Variants in ANKRD12 observed in about 807,000 individuals in gnomAD.
ANKRD12 encodes the protein ankyrin repeat domain-containing protein 12.
ANKRD12 carries 85 observed loss-of-function variants against 183.4 expected under a neutral mutation model. That is an observed-to-expected ratio of 0.46 (90% confidence interval 0.39 to 0.56). The LOEUF is 0.56. ANKRD12 is among the 20% of genes least tolerant of loss of function. The pLI, the probability that ANKRD12 is intolerant of heterozygous loss-of-function variation, is 0.00. For synonymous variants in ANKRD12, 914 were observed against 800.2 expected, an observed-to-expected ratio of 1.14 and a Z score of -2.40; for missense variants, 2,405 against 2,357.1, an observed-to-expected ratio of 1.02 and a Z score of -0.42.
Position 9,138,481 on chromosome 18 carries a change from C to G in ANKRD12, c.-52+1516C>G, listed in dbSNP as rs143826305. Among the ~76,000 whole-genome samples, 616 of 152,298 alleles carry G rather than the reference C, an allele frequency of 4.0e-3. 13 individuals are homozygous for G. The highest frequency in any genetic ancestry group is 0.014 in the African/African-American group (585 of 41,564). On this transcript the variant is annotated intron_variant, in intron 1 of 12. Coordinates refer to ENST00000262126, the MANE Select transcript of ANKRD12 (RefSeq NM_015208.5). ...TGAGCCGAGATCGTGCCACTGCACTCCAGCCTGGGCCACAAGAGCGAAACT... is the reference window on the plus strand; with the variant it reads ...TGAGCCGAGATCGTGCCACTGCACTGCAGCCTGGGCCACAAGAGCGAAACT...
chr18:9,208,852 G>T, intron 5 of ANKRD12, 49 bp downstream of exon 5: 3 of 1,432,014 alleles, frequency 2.1e-6, no homozygotes, highest in Non-Finnish European at 2.8e-6. Context: ...TTTTCCTCAG[G>T]CAACTGTAGT....
chr18:9,170,883 G>C (rs937711525), intron 1 of ANKRD12, among the ~76,000 whole-genome samples: 1 of 152,074 alleles, frequency 6.6e-6, no homozygotes, highest in Non-Finnish European at 1.5e-5. Context: ...ATGGGTTTTT[G>C]GTGTGGATGT....
rs868458966 is a variant in ANKRD12, at chr18:9,255,260, C to A, written c.1993C>A (p.His665Asn). 1 of 1,558,750 alleles carries A rather than the reference C, an allele frequency of 6.4e-7. No individual in the cohort carries two copies. Among genetic ancestry groups the A allele is most frequent in the Non-Finnish European group, 8.6e-7 (1 of 1,160,842 alleles). The change falls in exon 9 of 13, where the codon CAT becomes AAT. Residue 665 changes from histidine to asparagine, a missense_variant. By Grantham distance (68) the His-to-Asn change is moderately conservative (BLOSUM62 1). This residue lies in a region of ANKRD12 where 1,983 missense variants were observed against 1,725.9 expected (regional missense o/e 1.15). Coordinates refer to ENST00000262126, the MANE Select transcript of ANKRD12 (RefSeq NM_015208.5). ...GCATAAAGAGAGGGAAAAAGAAAAGCATAAAAAAGAAATTGAAGGTGAAAA... is the reference window on the plus strand; with the variant it reads ...GCATAAAGAGAGGGAAAAAGAAAAGAATAAAAAAGAAATTGAAGGTGAAAA... ...LKHKEREKEKHKKEIEGEKEK... is the reference protein window; with the variant it reads ...LKHKEREKEKNKKEIEGEKEK...
intron 1 of ANKRD12, among the ~76,000 whole-genome samples, chr18:9,164,790 T>C (rs984860353): frequency 6.6e-6 from 1 of 152,226 alleles, no homozygotes; most frequent in Non-Finnish European, 1.5e-5. Context: ...TTGCATTTGC[T>C]CAGGAGTGTT....
chr18:9,211,580 A>G lies in ANKRD12; in HGVS notation c.452-4A>G, dbSNP rs2035808181. Reference sequence around the variant, plus strand: ...ACTTCTGCTAACTTTCTTCTTTCTTACAGATTCCACACCAAATCATCCATC... The same window carrying G: ...ACTTCTGCTAACTTTCTTCTTTCTTGCAGATTCCACACCAAATCATCCATC... On this transcript the variant is annotated splice_region_variant and splice_polypyrimidine_tract_variant and intron_variant, in intron 5 of 12. Transcript: ENST00000262126. 6.2e-6 allele frequency: 10 copies of G among 1,613,018 alleles called. No individual in the cohort carries two copies. Among genetic ancestry groups the G allele is most frequent in the Non-Finnish European group, 6.8e-6 (8 of 1,179,378 alleles).
At chr18:9,259,474 AAC>A (rs1332790204) in intron 9 of ANKRD12, 1 of 151,892 alleles carries the variant, frequency 6.6e-6, no homozygotes, top group Admixed American at 6.6e-5. Flanking sequence ...ACTCTATATA[AAC>A]ACATAAATGT....
intron 8 of ANKRD12, among the ~76,000 whole-genome samples, chr18:9,251,374 C>T (rs1304093762): frequency 1.3e-5 from 2 of 152,224 alleles, no homozygotes; most frequent in East Asian, 1.9e-4. Context: ...AATACATTTT[C>T]ACCATGCTTT....
chr18:9,231,138 A>C lies in ANKRD12; in HGVS notation c.943+9139A>C, dbSNP rs905714184. 7.9e-5 allele frequency among the ~76,000 whole-genome samples: 12 copies of C among 152,148 alleles called. 1 individual carries two copies. The highest frequency in any genetic ancestry group is 3.9e-4 in the Admixed American group (6 of 15,270). On this transcript the variant is annotated intron_variant, in intron 8 of 12. Coordinates refer to ENST00000262126, the MANE Select transcript of ANKRD12 (RefSeq NM_015208.5). ...CATTGTGGAATACACTGTGATTTCA[A>C]GTTTTAAAAATTTGTTGAGACTAGT...
At position 9,139,361 on chromosome 18, in the gene ANKRD12, G is replaced by T. The variant is rs529600890; in HGVS notation, c.-52+2396G>T. ...CCTATAGAAGTTGAAAACCATGACT[G>T]ATACTCTTTTGAAGTAGATTGGAGA... On this transcript the variant is annotated intron_variant, in intron 1 of 12. Coordinates refer to ENST00000262126, the MANE Select transcript of ANKRD12 (RefSeq NM_015208.5). Among the ~76,000 whole-genome samples, 3 of 152,234 alleles carry T rather than the reference G, an allele frequency of 2.0e-5. No individual in the cohort carries two copies. The East Asian group carries it at 5.8e-4, about 29-fold the overall frequency.
At chr18:9,238,886 C>T (rs1267663910) in intron 8 of ANKRD12, among the ~76,000 whole-genome samples, 3 of 152,172 alleles carry the variant, frequency 2.0e-5, no homozygotes, top group Non-Finnish European at 4.4e-5. Context: ...CTTTGGGAGG[C>T]CGAGACGGGT....
At position 9,262,634 on chromosome 18, in the gene ANKRD12, A is replaced by AT. The variant is rs565396252; in HGVS notation, c.5665-1146dup. 1.8e-4 allele frequency among the ~76,000 whole-genome samples: 26 copies of AT among 147,714 alleles called. No homozygotes were observed. In the South Asian group the frequency reaches 2.2e-3, roughly 12 times the overall value. On this transcript the variant is annotated intron_variant, in intron 9 of 12. Coordinates refer to ENST00000262126, the MANE Select transcript of ANKRD12 (RefSeq NM_015208.5). ...ACCACCACATCCAGCTAATTTTTAA[A>AT]TTTTTTTTTTGAGATGGGGGTCTCA...
At position 9,147,721 on chromosome 18, in the gene ANKRD12, A is replaced by G. The variant is rs111997106; in HGVS notation, c.-52+10756A>G. Among the ~76,000 whole-genome samples, 722 of 152,310 alleles carry G rather than the reference A, an allele frequency of 4.7e-3. 9 individuals carry two copies. Among genetic ancestry groups the G allele is most frequent in the African/African-American group, 0.017 (690 of 41,568 alleles). On this transcript the variant is annotated intron_variant, in intron 1 of 12. Coordinates refer to ENST00000262126, the MANE Select transcript of ANKRD12 (RefSeq NM_015208.5). ...GAAATCTAGTGAAAGCTAAACTTCA[A>G]CATTTCACTGTATGCAGAACAAAAC...
chr18:9,187,031 G>T (rs1172759480), intron 2 of ANKRD12, among the ~76,000 whole-genome samples: 1 of 152,272 alleles, frequency 6.6e-6, no homozygotes, highest in African/African-American at 2.4e-5. Context: ...AAAGTGCTGG[G>T]ATTACAGGCG....
chr18:9,203,269 A>C (rs1181226845), intron 3 of ANKRD12, among the ~76,000 whole-genome samples: 7 of 152,150 alleles, frequency 4.6e-5, no homozygotes, highest in Admixed American at 4.6e-4. Context: ...CCTTCTCGTC[A>C]CTAAACTTTT....
At chr18:9,159,728 T>C (rs2031133867) in intron 1 of ANKRD12, among the ~76,000 whole-genome samples, 1 of 150,262 alleles carries the variant, frequency 6.7e-6, no homozygotes, top group Non-Finnish European at 1.5e-5. Context: ...CGTGAGCCAC[T>C]GCGCCTGGCC....
chr18:9,233,603 G>A (rs2037176638), intron 8 of ANKRD12, among the ~76,000 whole-genome samples: 1 of 149,064 alleles, frequency 6.7e-6, no homozygotes, highest in African/African-American at 2.6e-5. Flanking sequence ...TATCAATGGT[G>A]TTAGTTGGAT....
At chr18:9,261,321 A>G (rs1185739835) in intron 9 of ANKRD12, among the ~76,000 whole-genome samples, 2 of 152,218 alleles carry the variant, frequency 1.3e-5, no homozygotes, top group African/African-American at 2.4e-5. Context: ...TTTGGGAAGC[A>G]CTGTTAATCT....
At chr18:9,170,703 C>CT (rs1390827581) in intron 1 of ANKRD12, among the ~76,000 whole-genome samples, 3 of 152,088 alleles carry the variant, frequency 2.0e-5, no homozygotes, top group Admixed American at 6.6e-5. Context: ...CTTCTCTCAA[C>CT]TTTTCAAAGT....
At chr18:9,266,892 C>T (rs1171284557) in intron 10 of ANKRD12, among the ~76,000 whole-genome samples, 1 of 152,098 alleles carries the variant, frequency 6.6e-6, no homozygotes, top group East Asian at 1.9e-4. Context: ...CAGAGACACA[C>T]ATAGGCTCAA....
Sources: gnomAD v4.1 joint callset for allele counts (sites outside exome capture counted in the v4.1 genomes callset) on GRCh38, gnomAD v4.1.1 for gene constraint, gnomAD v4.1.1 regional missense constraint, MANE v1.5 for transcripts, NCBI Gene and HGNC (gene_info 2026-07-23, HGNC 2026-07-21) for gene names.